The following MAD1L1 variants were observed in gnomAD, a reference collection of about 807,000 sequenced individuals.
MAD1L1 encodes the protein mitotic spindle assembly checkpoint protein MAD1.
A neutral mutation model predicts 96.9 loss-of-function variants in MAD1L1; 95 were observed. The ratio of observed to expected loss-of-function variants is 0.98; its 90% confidence interval spans 0.83 to 1.16. The LOEUF is 1.16. Among genes scored for constraint, MAD1L1 ranks in the 50% most tolerant of loss-of-function variants. The pLI, the probability that MAD1L1 is intolerant of heterozygous loss-of-function variation, is 0.00. For synonymous variants in MAD1L1, 473 were observed against 396.6 expected, an observed-to-expected ratio of 1.19 and a Z score of -2.29; for missense variants, 1,007 against 954.4, an observed-to-expected ratio of 1.06 and a Z score of -0.73.
At chr7:1,922,709 G>A (rs1788867947) in intron 17 of MAD1L1, among the ~76,000 whole-genome samples, 1 of 152,176 alleles carries the variant, frequency 6.6e-6, no homozygotes. Context: ...TGCCTGAGTC[G>A]GCGTTTCCCA....
At position 1,936,541 on chromosome 7, in the gene MAD1L1, C is replaced by T. The variant is rs1490305145; in HGVS notation, c.1807+146G>A. On this transcript the variant is annotated intron_variant, in intron 17 of 18. Coordinates refer to ENST00000265854, the MANE Select transcript of MAD1L1 (RefSeq NM_001013836.2). ...ACGGGGCCAGGGTGCTCTGCCCCAG[C>T]AACCACCAGACCCGGCTGCCCACAG... The T allele has an allele frequency of 1.2e-5, 10 of 829,048 alleles. No individual in the cohort carries two copies. In the East Asian group the frequency reaches 1.9e-4, roughly 16 times the overall value. 51.4% of individuals were successfully genotyped at this position (829,048 alleles called of 1,614,324 possible). A position where few individuals can be genotyped will look rare whatever the true frequency, so the allele number is the denominator to read the frequency against.
chr7:1,945,767 G>A (rs12699496), intron 16 of MAD1L1, among the ~76,000 whole-genome samples: 130,982 of 152,240 alleles, frequency 0.86, 57,671 homozygotes, highest in Non-Finnish European at 0.96. Context: ...GCCGCAGACC[G>A]GGGTTAGGGC....
intron 18 of MAD1L1, among the ~76,000 whole-genome samples, chr7:1,827,310 G>C (rs62434669): frequency 6.6e-6 from 1 of 152,140 alleles, no homozygotes; most frequent in African/African-American, 2.4e-5. Flanking sequence ...GGGACGCAGC[G>C]GGCAGGGAGG....
intron 11 of MAD1L1, among the ~76,000 whole-genome samples, chr7:2,135,775 G>A (rs2128571186): frequency 6.6e-6 from 1 of 152,350 alleles, no homozygotes; most frequent in African/African-American, 2.4e-5. Flanking sequence ...ACATGTCCCA[G>A]GCCCAAGGGA....
At chr7:2,024,331 T>C (rs1422913688) in intron 12 of MAD1L1, among the ~76,000 whole-genome samples, 3 of 152,146 alleles carry the variant, frequency 2.0e-5, no homozygotes, top group Non-Finnish European at 4.4e-5. Flanking sequence ...AATCGGTCTT[T>C]CTAGTGGCCT....
chr7:2,218,991 T>C (rs879551516), intron 6 of MAD1L1, among the ~76,000 whole-genome samples: 1 of 151,744 alleles, frequency 6.6e-6, no homozygotes, highest in Non-Finnish European at 1.5e-5. Flanking sequence ...GCCCAGGAGG[T>C]TGAGGCTACA....
chr7:2,172,554 C>T (rs965243167), intron 10 of MAD1L1, among the ~76,000 whole-genome samples: 3 of 152,228 alleles, frequency 2.0e-5, no homozygotes, highest in Non-Finnish European at 2.9e-5. Flanking sequence ...GAACAGAAAA[C>T]GGGAGGGCGC....
chr7:1,837,473 G>C (rs1273644167), intron 18 of MAD1L1, among the ~76,000 whole-genome samples: 2 of 152,186 alleles, frequency 1.3e-5, no homozygotes, highest in African/African-American at 2.4e-5. Flanking sequence ...AGAAATAAAT[G>C]TCCGTGCAAA....
At chr7:1,909,947 T>G (rs1316053620) in intron 17 of MAD1L1, among the ~76,000 whole-genome samples, 1 of 152,156 alleles carries the variant, frequency 6.6e-6, no homozygotes, top group Non-Finnish European at 1.5e-5. Flanking sequence ...AGGCGCTGGC[T>G]GGGTGAGCTC....
intron 17 of MAD1L1, among the ~76,000 whole-genome samples, chr7:1,907,914 G>A (rs916260222): frequency 3.3e-5 from 5 of 152,182 alleles, no homozygotes; most frequent in African/African-American, 1.2e-4. Context: ...AGCATGGTCC[G>A]GAGAGACAGG....
chr7:2,081,004 C>A (rs751404085), intron 11 of MAD1L1, among the ~76,000 whole-genome samples: 4 of 152,206 alleles, frequency 2.6e-5, no homozygotes, highest in Non-Finnish European at 5.9e-5. Flanking sequence ...AGACTCTGTG[C>A]CCCCTCTCCC....
intron 3 of MAD1L1, among the ~76,000 whole-genome samples, chr7:2,229,252 C>T (rs966568744): frequency 1.3e-5 from 2 of 152,022 alleles, no homozygotes; most frequent in Admixed American, 6.6e-5. Context: ...GAGGAGCCTG[C>T]GCAGCCACAG....
rs138205594 is a variant in MAD1L1, at chr7:2,203,094, C to T, written c.986+10118G>A. On this transcript the variant is annotated intron_variant, in intron 10 of 18. Transcript: ENST00000265854. The stretch of plus-strand genomic sequence containing the variant: ...ACCCCCTCAGGCCTGCCCTTGCTGA[C>T]GGGTATAATGCCCACCCGCCGGGAT... 7.2e-5 allele frequency among the ~76,000 whole-genome samples: 11 copies of T among 152,224 alleles called. No individual in the cohort carries two copies. The East Asian group carries it at 1.5e-3, about 21-fold the overall frequency.
At chr7:2,204,635 G>A (rs930217275) in intron 10 of MAD1L1, among the ~76,000 whole-genome samples, 3 of 152,226 alleles carry the variant, frequency 2.0e-5, no homozygotes, top group Non-Finnish European at 4.4e-5. Flanking sequence ...AAGCACCGCC[G>A]CTGCCGCGCA....
chr7:1,923,450 G>A (rs781325727), intron 17 of MAD1L1, among the ~76,000 whole-genome samples: 2 of 152,120 alleles, frequency 1.3e-5, no homozygotes, highest in Non-Finnish European at 2.9e-5. Flanking sequence ...CTTCCGCCCC[G>A]GCACCCTGGC....
intron 5 of MAD1L1, 65 bp downstream of exon 5, chr7:2,222,510 A>C: frequency 1.4e-6 from 2 of 1,437,790 alleles, no homozygotes; most frequent in Middle Eastern, 3.7e-4. Flanking sequence ...CTGCAGTGGC[A>C]AACAAGAGCA....
intron 10 of MAD1L1, among the ~76,000 whole-genome samples, chr7:2,172,415 G>T (rs970669938): frequency 3.0e-4 from 45 of 152,158 alleles, no homozygotes; most frequent in African/African-American, 1.1e-3. Context: ...CAGGGCCCAG[G>T]GCCCAGCAGC....
At chr7:2,069,963 T>C (rs571973218) in intron 11 of MAD1L1, among the ~76,000 whole-genome samples, 166 of 152,342 alleles carry the variant, frequency 1.1e-3, no homozygotes, top group Non-Finnish European at 2.1e-3. Flanking sequence ...CCTGTGCTCG[T>C]TGCCTGTCAC....
At chr7:2,064,133 T>A (rs1244558590) in intron 12 of MAD1L1, among the ~76,000 whole-genome samples, 1 of 152,072 alleles carries the variant, frequency 6.6e-6, no homozygotes, top group East Asian at 1.9e-4. Flanking sequence ...AGGCTGGGGA[T>A]GCAGCCCAGC....
Sources: allele counts gnomAD v4.1 joint callset (sites outside exome capture counted in the v4.1 genomes callset), GRCh38; gene constraint gnomAD v4.1.1; transcripts MANE v1.5; gene names NCBI Gene and HGNC (gene_info 2026-07-23, HGNC 2026-07-21).